The following FER1L6 variants were observed in gnomAD, a reference collection of about 807,000 sequenced individuals.
FER1L6 encodes fer-1-like protein 6.
In FER1L6, 177 loss-of-function variants were observed where a neutral mutation model predicts 219.2. The observed-to-expected ratio is 0.81, with a 90% CI of 0.71 to 0.91. The LOEUF is 0.91. FER1L6 is among the 40% of genes least tolerant of loss of function. The pLI, the probability that FER1L6 is intolerant of heterozygous loss-of-function variation, is 0.00. For missense variants in FER1L6, 2,153 were observed against 2,259.9 expected (o/e 0.95, Z 0.96); for synonymous variants, 768 against 824.3 (o/e 0.93, Z 1.17).
chr8:124,071,699 G>T, intron 31 of FER1L6, 68 bp downstream of exon 31: 1 of 1,536,752 alleles, frequency 6.5e-7, no homozygotes, highest in East Asian at 2.3e-5. Flanking sequence ...AAAATATATG[G>T]CAGACTGGGA....
At chr8:123,870,868 C>T (rs540542865) in intron 1 of FER1L6, among the ~76,000 whole-genome samples, 23 of 152,210 alleles carry the variant, frequency 1.5e-4, no homozygotes, top group Admixed American at 3.3e-4. Flanking sequence ...AAATAATCTA[C>T]CTGTATTAAA....
rs1455906597 is a variant in FER1L6, at chr8:123,909,378, T to G, written c.-7-46614T>G. On this transcript the variant is annotated intron_variant, in intron 1 of 40. Transcript: ENST00000522917. ...CCTTATTCTGTGGGCAGTGAGGGCGTGGGATCATGGAGATGACTTGTTGAA... is the reference window on the plus strand; with the variant it reads ...CCTTATTCTGTGGGCAGTGAGGGCGGGGGATCATGGAGATGACTTGTTGAA... Among the ~76,000 whole-genome samples, 4 of 152,014 alleles carry G rather than the reference T, an allele frequency of 2.6e-5. No individual in the cohort carries two copies. In the East Asian group the frequency reaches 7.7e-4, roughly 29 times the overall value.
chr8:123,930,642 A>T (rs1244981761), intron 1 of FER1L6, among the ~76,000 whole-genome samples: 1 of 152,156 alleles, frequency 6.6e-6, no homozygotes, highest in Admixed American at 6.5e-5. Flanking sequence ...CACGTTTTGT[A>T]TGAGTGGCCC....
At chr8:124,098,011 G>T in intron 37 of FER1L6, 128 bp downstream of exon 37, 2 of 531,218 alleles carry the variant, frequency 3.8e-6, no homozygotes, top group Non-Finnish European at 6.7e-6. Flanking sequence ...TTACTTTTAA[G>T]GCCACCTTCT....
Position 124,060,286 on chromosome 8 carries a change from T to C in FER1L6, c.2981T>C (p.Val994Ala). The C allele has an allele frequency of 6.2e-7, 1 of 1,613,796 alleles. No individual in the cohort carries two copies. Among genetic ancestry groups the C allele is most frequent in the Non-Finnish European group, 8.5e-7 (1 of 1,179,870 alleles). ...CGGCCGGTGCTGAGCAAATACCGAG[T>C]GGAGGTACGGGTCAGCGGAGGAGCT... ...NIRPVLSKYR[V>A]EVLFWGVREM... Residue 994 changes from valine (V) to alanine (A), a missense_variant, in exon 23 of 41, where the codon GTG becomes GCG. Coordinates refer to ENST00000522917, the MANE Select transcript of FER1L6 (RefSeq NM_001039112.2).
In FER1L6 at chr8:124,082,327, G is replaced by C. The variant is rs756406247; in HGVS notation, c.4260G>C (p.Leu1420=). The change falls in exon 33 of 41, where the codon CTG becomes CTC. Residue 1420 remains leucine (L), a synonymous_variant. Transcript: ENST00000522917. ...AAGCCACATTCCCAAAAGAGTCCCT[G>C]CTCTCCATCCTGATCTATGACCATG... ...EIQATFPKES[L]LSILIYDHDM... is the part of the protein sequence containing the mutation. 1 of 1,613,474 alleles carries C rather than the reference G, an allele frequency of 6.2e-7. No homozygotes were observed. Among genetic ancestry groups the C allele is most frequent in the Non-Finnish European group, 8.5e-7 (1 of 1,179,736 alleles).
At chr8:123,862,896 G>T (rs1206295029) in intron 1 of FER1L6, among the ~76,000 whole-genome samples, 1 of 146,364 alleles carries the variant, frequency 6.8e-6, no homozygotes, top group Non-Finnish European at 1.5e-5. Flanking sequence ...CTTGCTAGCA[G>T]TCTATCAATT....
chr8:123,970,128 G>C (rs1278201874), intron 6 of FER1L6, 31 bp downstream of exon 6: 1 of 1,596,032 alleles, frequency 6.3e-7, no homozygotes, highest in East Asian at 2.2e-5. Flanking sequence ...AATAGTTGTG[G>C]AGAGGTGGGA....
At chr8:123,949,423 C>A (rs986588885) in intron 1 of FER1L6, among the ~76,000 whole-genome samples, 2 of 152,122 alleles carry the variant, frequency 1.3e-5, no homozygotes, top group Admixed American at 1.3e-4. Context: ...TAATGATTCC[C>A]ATTTGTAATA....
intron 1 of FER1L6, among the ~76,000 whole-genome samples, chr8:123,863,090 C>T (rs1169645284): frequency 7.6e-6 from 1 of 132,336 alleles, no homozygotes; most frequent in Admixed American, 7.3e-5. Flanking sequence ...AATTTTGGAT[C>T]TTTCCTGCTT....
intron 12 of FER1L6, 107 bp from the exon 13 acceptor site, chr8:124,003,060 G>T: frequency 1.1e-6 from 1 of 875,892 alleles, no homozygotes; most frequent in Non-Finnish European, 1.8e-6. Context: ...CATAATGGGA[G>T]CTTACCTTAT....
intron 13 of FER1L6, among the ~76,000 whole-genome samples, chr8:124,009,122 A>C (rs1326078796): frequency 1.3e-5 from 2 of 152,230 alleles, no homozygotes; most frequent in Non-Finnish European, 2.9e-5. Context: ...GAATACATTT[A>C]TTATCTTGAC....
At chr8:123,989,173 C>G (rs1816738356) in intron 12 of FER1L6, among the ~76,000 whole-genome samples, 1 of 152,054 alleles carries the variant, frequency 6.6e-6, no homozygotes, top group Non-Finnish European at 1.5e-5. Context: ...GTACAAATCC[C>G]ACTTGGTCAT....
chr8:124,081,813 C>G (rs1821567204), intron 32 of FER1L6, among the ~76,000 whole-genome samples: 1 of 152,062 alleles, frequency 6.6e-6, no homozygotes, highest in South Asian at 2.1e-4. Context: ...CAGTTGAACG[C>G]CTGAAAGTAA....
At chr8:124,064,920 A>G (rs1429430803) in intron 26 of FER1L6, among the ~76,000 whole-genome samples, 1 of 152,256 alleles carries the variant, frequency 6.6e-6, no homozygotes, top group Non-Finnish European at 1.5e-5. Context: ...ATATGGGACC[A>G]AGAAGATGCA....
At chr8:124,103,034 A>G in intron 38 of FER1L6, 112 bp from the exon 39 acceptor site, 1 of 995,916 alleles carries the variant, frequency 1.0e-6, no homozygotes, top group Non-Finnish European at 1.5e-6. Flanking sequence ...TATGGTACTG[A>G]TTGAATGAGT....
intron 1 of FER1L6, among the ~76,000 whole-genome samples, chr8:123,906,986 G>A (rs548730028): frequency 3.7e-4 from 56 of 152,212 alleles, no homozygotes; most frequent in Middle Eastern, 3.4e-3. Flanking sequence ...GTAAGGGACC[G>A]TGTGATTATT....
intron 32 of FER1L6, among the ~76,000 whole-genome samples, chr8:124,077,295 C>T (rs1244203836): frequency 6.6e-6 from 1 of 152,192 alleles, no homozygotes; most frequent in Non-Finnish European, 1.5e-5. Context: ...AGCTCCCTTG[C>T]TCCCCACCTT....
rs1375386012 is a variant in FER1L6 at position 123,853,857 on chromosome 8, G to A, written c.-8+1672G>A. 6.6e-6 allele frequency among the ~76,000 whole-genome samples: 1 copy of A among 152,196 alleles called. No individual in the cohort carries two copies. The highest frequency in any genetic ancestry group is 1.5e-5 in the Non-Finnish European group (1 of 68,038). On this transcript the variant is annotated intron_variant, in intron 1 of 40. Transcript: ENST00000522917. This position sits in a 1 kb window ranked among gnomAD's most constrained non-coding sequence, Gnocchi z 6.6. ...TGAAGCCACAGTGATGCTACCCAGG[G>A]ACTCTGCAGAGCTGCCAGTCTCCTG...
Sources: gnomAD v4.1 joint callset for allele counts (sites outside exome capture counted in the v4.1 genomes callset) on GRCh38, gnomAD v4.1.1 for gene constraint, Gnocchi (gnomAD v3.1) non-coding constraint, MANE v1.5 for transcripts, NCBI Gene and HGNC (gene_info 2026-07-23, HGNC 2026-07-21) for gene names.